Variants in F13A1 observed in about 807,000 individuals in gnomAD.
F13A1 encodes the protein coagulation factor XIII A chain, also known as FSF, A subunit.
Under a neutral mutation model 80.1 loss-of-function variants are expected in F13A1, and 47 were observed. The ratio of observed to expected loss-of-function variants is 0.59; its 90% CI spans 0.46 to 0.75. The LOEUF (loss-of-function observed/expected upper bound fraction) is 0.75, where lower values mean the gene tolerates loss of function less well. F13A1 is among the 30% of genes least tolerant of loss of function. The probability of loss-of-function intolerance (pLI) is 0.00; values close to 1 mark genes in which losing one functional copy is unlikely to be tolerated. For missense variants in F13A1, 817 were observed against 930.4 expected (o/e 0.88, Z 1.59); for synonymous variants, 349 against 344.9 (o/e 1.01, Z -0.13).
Position 6,271,643 on chromosome 6 carries a change from A to G in F13A1, c.320-4834T>C, listed in dbSNP as rs182882381. 2.6e-5 allele frequency among the ~76,000 whole-genome samples: 4 copies of G among 152,372 alleles called. No individual in the cohort carries two copies. The East Asian group carries it at 5.8e-4, about 22-fold the overall frequency. On this transcript the variant is annotated intron_variant, in intron 3 of 14. Transcript: ENST00000264870. ...TAATTGCAGCCTTTGAAATTGGACT[A>G]CTAAACATGAGGAAATATTATAATT...
At chr6:6,229,414 AAATT>A (rs1437873328) in intron 6 of F13A1, among the ~76,000 whole-genome samples, 2 of 152,224 alleles carry the variant, frequency 1.3e-5, no homozygotes, top group African/African-American at 4.8e-5. Context: ...TTAAAAATAA[AAATT>A]AATGACATAG....
At chr6:6,309,465 G>A (rs1742937) in intron 2 of F13A1, among the ~76,000 whole-genome samples, 52,168 of 152,000 alleles carry the variant, frequency 0.34, 9,129 homozygotes, top group African/African-American at 0.39. Context: ...TGCTTCAGGC[G>A]GAGAAAGAAG....
intron 2 of F13A1, among the ~76,000 whole-genome samples, chr6:6,314,770 C>A (rs538023758): frequency 7.9e-5 from 12 of 152,314 alleles, no homozygotes; most frequent in Admixed American, 4.6e-4. Flanking sequence ...CCTGGAGCAG[C>A]TCCTGACACA....
At chr6:6,301,548 G>T (rs1758431392) in intron 3 of F13A1, among the ~76,000 whole-genome samples, 1 of 152,200 alleles carries the variant, frequency 6.6e-6, no homozygotes, top group Admixed American at 6.5e-5. Flanking sequence ...TAGAATACAT[G>T]TTGGTTTAAA....
At chr6:6,192,069 A>G (rs1490762308) in intron 10 of F13A1, among the ~76,000 whole-genome samples, 1 of 152,224 alleles carries the variant, frequency 6.6e-6, no homozygotes, top group Admixed American at 6.5e-5. Flanking sequence ...GAGCTTTCCT[A>G]GCAAAAGGAG....
intron 3 of F13A1, among the ~76,000 whole-genome samples, chr6:6,294,345 A>C (rs1417244531): frequency 1.3e-5 from 2 of 152,184 alleles, no homozygotes; most frequent in African/African-American, 4.8e-5. Context: ...CCCAGCCTAC[A>C]TCTTTCTCCC....
At chr6:6,192,223 T>C (rs1761213948) in intron 10 of F13A1, among the ~76,000 whole-genome samples, 1 of 152,170 alleles carries the variant, frequency 6.6e-6, no homozygotes. Flanking sequence ...TCAGTTTTAT[T>C]GTAAGGGTGG....
chr6:6,312,950 G>C (rs1758626733), intron 2 of F13A1, among the ~76,000 whole-genome samples: 1 of 152,014 alleles, frequency 6.6e-6, no homozygotes, highest in African/African-American at 2.4e-5. Context: ...CCACACACAG[G>C]TCAACCAAGT....
At chr6:6,320,535 GA>G in intron 1 of F13A1, 51 bp downstream of exon 1, 1 of 403,006 alleles carries the variant, frequency 2.5e-6, no homozygotes, top group Non-Finnish European at 5.2e-6. Flanking sequence ...CCGAGGTGCA[GA>G]AGGTGGACGC....
intron 6 of F13A1, among the ~76,000 whole-genome samples, chr6:6,226,173 T>C (rs1757273255): frequency 6.6e-6 from 1 of 152,194 alleles, no homozygotes; most frequent in Non-Finnish European, 1.5e-5. Flanking sequence ...TTAATTACAG[T>C]CAGAAGAGTT....
chr6:6,276,473 C>A (rs188556075), intron 3 of F13A1, among the ~76,000 whole-genome samples: 2 of 152,186 alleles, frequency 1.3e-5, no homozygotes. Context: ...GTCATTCACT[C>A]GCTTGTGTAC....
chr6:6,264,405 G>T (rs1757816759), intron 4 of F13A1, among the ~76,000 whole-genome samples: 1 of 152,162 alleles, frequency 6.6e-6, no homozygotes, highest in Non-Finnish European at 1.5e-5. Context: ...ACAAACTCTT[G>T]ATTGATAAGT....
At chr6:6,160,269 T>C in intron 13 of F13A1, among the ~76,000 whole-genome samples, 1 of 117,006 alleles carries the variant, frequency 8.5e-6, no homozygotes, top group Non-Finnish European at 1.7e-5. Flanking sequence ...AGAGTGAGAC[T>C]CCATCTAAAA....
rs1554098312 is a variant in F13A1 at position 6,167,323 on chromosome 6, GTATT to G, written c.1908+131_1908+134del. 5.0e-5 allele frequency: 44 copies of G among 875,338 alleles called. No individual in the cohort carries two copies. In the South Asian group the frequency reaches 5.5e-4, roughly 11 times the overall value. 54.2% of individuals were successfully genotyped at this position (875,338 alleles called of 1,614,324 possible). On this transcript the variant is annotated intron_variant, in intron 13 of 14. Transcript: ENST00000264870. Reference sequence around the variant, plus strand: ...AAAGAACAAGAGGATCCTAGCACTGGTATTTTTTTTTTTTTTTTTTTTTGAGCAG... The same window carrying G: ...AAAGAACAAGAGGATCCTAGCACTGGTTTTTTTTTTTTTTTTTTTGAGCAG...
Position 6,166,726 on chromosome 6 carries a change from C to A in F13A1, c.1908+732G>T, listed in dbSNP as rs3024483. Among the ~76,000 whole-genome samples, 1,369 of 152,322 alleles carry A rather than the reference C, an allele frequency of 9.0e-3. 6 individuals carry two copies. The highest frequency in any genetic ancestry group is 0.014 in the Middle Eastern group (4 of 294). ...GAGGCTCCCACATTTATCTTCCACTCTCATCAACCCTCGGCCTTCCTCTGC... is the reference window on the plus strand; with the variant it reads ...GAGGCTCCCACATTTATCTTCCACTATCATCAACCCTCGGCCTTCCTCTGC... On this transcript the variant is annotated intron_variant, in intron 13 of 14. Transcript: ENST00000264870.
At chr6:6,180,641 A>G (rs955099610) in intron 11 of F13A1, among the ~76,000 whole-genome samples, 1 of 152,232 alleles carries the variant, frequency 6.6e-6, no homozygotes, top group African/African-American at 2.4e-5. Context: ...AAAAATCCAA[A>G]TGACAAAAAA....
At chr6:6,232,351 CA>C (rs1757364220) in intron 6 of F13A1, among the ~76,000 whole-genome samples, 1 of 152,072 alleles carries the variant, frequency 6.6e-6, no homozygotes, top group South Asian at 2.1e-4. Context: ...TTAAAAGAGA[CA>C]AAGAGGGACA....
chr6:6,190,847 C>T (rs1371598450), intron 10 of F13A1, among the ~76,000 whole-genome samples: 1 of 152,072 alleles, frequency 6.6e-6, no homozygotes, highest in African/African-American at 2.4e-5. Context: ...GCAGTTTGAT[C>T]TCAGACTGCT....
chr6:6,179,177 C>G (rs1346468179), intron 11 of F13A1, among the ~76,000 whole-genome samples: 2 of 152,104 alleles, frequency 1.3e-5, no homozygotes, highest in African/African-American at 2.4e-5. Context: ...CTGGAAGTAA[C>G]TGAAGGAGCA....
Sources: allele counts gnomAD v4.1 joint callset (sites outside exome capture counted in the v4.1 genomes callset), GRCh38; gene constraint gnomAD v4.1.1; transcripts MANE v1.5; gene names NCBI Gene and HGNC (gene_info 2026-07-23, HGNC 2026-07-21).